LRRC37A2: variants seen among roughly 807,000 people sequenced by gnomAD.
LRRC37A2 encodes leucine-rich repeat-containing protein 37A2.
A neutral mutation model predicts 68.8 loss-of-function variants in LRRC37A2; 9 were observed. That is an observed-to-expected ratio of 0.13 (90% confidence interval 0.08 to 0.23). The LOEUF is 0.23. Ranked by LOEUF, LRRC37A2 falls within the 10% of genes least tolerant of loss-of-function variation. The pLI, the probability that LRRC37A2 is intolerant of heterozygous loss-of-function variation, is 1.00. For synonymous variants in LRRC37A2, 63 were observed against 367.6 expected (o/e 0.17, Z 9.48); for missense variants, 168 against 950.4 (o/e 0.18, Z 10.82).
the LRRC37A2 span, among the ~76,000 whole-genome samples, chr17:46,869,762 G>A: frequency 6.6e-6 from 1 of 152,204 alleles, no homozygotes; most frequent in Non-Finnish European, 1.5e-5. Context: ...ACTCTGGGAG[G>A]CTGAGGCGGG....
At chr17:46,718,041 T>C in the LRRC37A2 span, among the ~76,000 whole-genome samples, 20 of 152,330 alleles carry the variant, frequency 1.3e-4, no homozygotes, top group South Asian at 4.1e-3. Flanking sequence ...TGGCCATCTT[T>C]CTCCCTCAGA....
At chr17:47,015,156 C>T in the LRRC37A2 span, among the ~76,000 whole-genome samples, 3 of 151,834 alleles carry the variant, frequency 2.0e-5, no homozygotes, top group Non-Finnish European at 2.9e-5. Flanking sequence ...TATAGACACG[C>T]GTCACCACAC....
At chr17:47,033,544 G>C in the LRRC37A2 span, among the ~76,000 whole-genome samples, 4 of 152,186 alleles carry the variant, frequency 2.6e-5, no homozygotes, top group African/African-American at 9.7e-5. Context: ...TCATTTTGGA[G>C]TTTGTCATTT....
At chr17:47,005,818 T>C in the LRRC37A2 span, 1 of 152,370 alleles carries the variant, frequency 6.6e-6, no homozygotes, top group East Asian at 1.9e-4. Flanking sequence ...AGCCTCAGGA[T>C]CCTGCTATTT....
At chr17:46,868,561 A>C in the LRRC37A2 span, among the ~76,000 whole-genome samples, 12 of 152,298 alleles carry the variant, frequency 7.9e-5, no homozygotes, top group Admixed American at 7.2e-4. Context: ...TCAGCACTGC[A>C]CTCCAGCCTG....
the LRRC37A2 span, among the ~76,000 whole-genome samples, chr17:46,796,838 A>C: frequency 1.3e-5 from 2 of 152,150 alleles, no homozygotes. Flanking sequence ...GCATTCATTC[A>C]TTCCTTCCAC....
the LRRC37A2 span, among the ~76,000 whole-genome samples, chr17:46,982,791 G>A: frequency 3.9e-5 from 6 of 152,198 alleles, no homozygotes; most frequent in Non-Finnish European, 7.3e-5. Context: ...TCAAATGAGA[G>A]CAAGCAAAGG....
chr17:46,976,558 C>T, the LRRC37A2 span, among the ~76,000 whole-genome samples: 1 of 151,762 alleles, frequency 6.6e-6, no homozygotes, highest in African/African-American at 2.4e-5. Context: ...AACAAACAAA[C>T]AAAAAACCAA....
the LRRC37A2 span, among the ~76,000 whole-genome samples, chr17:46,795,027 A>G: frequency 6.6e-6 from 1 of 152,126 alleles, no homozygotes; most frequent in Admixed American, 6.5e-5. Flanking sequence ...CTGGGATTAC[A>G]GGTGTGAGCC....
At chr17:46,868,504 G>A in the LRRC37A2 span, among the ~76,000 whole-genome samples, 1 of 152,198 alleles carries the variant, frequency 6.6e-6, no homozygotes, top group Non-Finnish European at 1.5e-5. Context: ...GCTGAGGTAG[G>A]AGAATTGCTT....
At chr17:46,721,406 C>T in the LRRC37A2 span, among the ~76,000 whole-genome samples, 1 of 152,112 alleles carries the variant, frequency 6.6e-6, no homozygotes, top group East Asian at 1.9e-4. Flanking sequence ...TTCTTCAGTT[C>T]TTCCTGTTTT....
At chr17:46,532,718 GTATAATCCTTTTTATTCATAT>G (rs2053875508) in intron 6 of LRRC37A2, among the ~76,000 whole-genome samples, 2 of 145,454 alleles carry the variant, frequency 1.4e-5, no homozygotes, top group African/African-American at 2.7e-5. Flanking sequence ...TTGTTTATAT[GTATAATCCTTTTTATTCATAT>G]TATAATCCTT....
At chr17:46,797,828 C>T in the LRRC37A2 span, among the ~76,000 whole-genome samples, 1 of 152,176 alleles carries the variant, frequency 6.6e-6, no homozygotes, top group Admixed American at 6.5e-5. Context: ...GAGAGAATAG[C>T]TCAACATAGA....
At chr17:46,943,808 C>T in the LRRC37A2 span, among the ~76,000 whole-genome samples, 9 of 152,336 alleles carry the variant, frequency 5.9e-5, no homozygotes, top group East Asian at 5.8e-4. Flanking sequence ...CATGGGGCCC[C>T]GTGAGGGAAA....
At chr17:46,891,922 T>TG in the LRRC37A2 span, among the ~76,000 whole-genome samples, 1 of 141,870 alleles carries the variant, frequency 7.0e-6, no homozygotes, top group Admixed American at 7.0e-5. Context: ...TCTTTTCTTT[T>TG]TTTTTTTTTT....
the LRRC37A2 span, chr17:46,941,224 T>C: frequency 5.3e-5 from 53 of 996,044 alleles, no homozygotes; most frequent in African/African-American, 8.7e-4. Flanking sequence ...GGAGTCTTGA[T>C]TTTTTAGACT....
chr17:46,467,282 G>T, the LRRC37A2 span, among the ~76,000 whole-genome samples: 3 of 59,358 alleles, frequency 5.1e-5, no homozygotes, highest in Non-Finnish European at 3.5e-5. Flanking sequence ...TTGTAAGATA[G>T]AATTTTATTC....
the LRRC37A2 span, among the ~76,000 whole-genome samples, chr17:46,777,254 C>T: frequency 2.6e-5 from 4 of 152,232 alleles, no homozygotes; most frequent in Non-Finnish European, 5.9e-5. Context: ...TGAAAGAGGA[C>T]CAACTTGTGC....
chr17:46,749,850 C>T, the LRRC37A2 span: 195 of 1,614,004 alleles, frequency 1.2e-4, no homozygotes, highest in Non-Finnish European at 1.6e-4. Flanking sequence ...ACGCTTTCAG[C>T]ACCACCATCC....
Sources: allele counts gnomAD v4.1 joint callset (sites outside exome capture counted in the v4.1 genomes callset), GRCh38; gene constraint gnomAD v4.1.1; transcripts MANE v1.5; gene names NCBI Gene and HGNC (gene_info 2026-07-23, HGNC 2026-07-21).